Variants in EPHA3 observed in about 807,000 individuals in gnomAD.
EPHA3 encodes EPH receptor A3, also known as ephrin type-A receptor 3.
EPHA3 carries 42 observed loss-of-function variants against 107.1 expected under a neutral mutation model. That is an observed-to-expected ratio of 0.39 (90% CI 0.31 to 0.51). The LOEUF (loss-of-function observed/expected upper bound fraction) is 0.51, where lower values mean the gene tolerates loss of function less well. EPHA3 is among the 20% of genes least tolerant of loss of function. EPHA3 has a pLI of 0.78. For missense variants in EPHA3, 1,183 were observed against 1,211.2 expected (o/e 0.98, Z 0.35); for synonymous variants, 461 against 424.8 (o/e 1.09, Z -1.05).
chr3:89,301,218 A>C (rs1361715001), intron 3 of EPHA3, among the ~76,000 whole-genome samples: 1 of 152,122 alleles, frequency 6.6e-6, no homozygotes, highest in East Asian at 1.9e-4. Context: ...GGCGATGCAG[A>C]AAAGAATTTT....
chr3:89,363,897 C>T (rs1380879058), intron 5 of EPHA3, among the ~76,000 whole-genome samples: 2 of 150,656 alleles, frequency 1.3e-5, no homozygotes, highest in African/African-American at 2.4e-5. Flanking sequence ...ATGCCCAGTG[C>T]ATCAGAAAGT....
intron 5 of EPHA3, among the ~76,000 whole-genome samples, chr3:89,372,221 G>A (rs556716012): frequency 6.6e-6 from 1 of 151,534 alleles, no homozygotes; most frequent in Non-Finnish European, 1.5e-5. Context: ...AGAAGGTAGG[G>A]TATCTCAAGA....
chr3:89,118,413 C>T (rs1014851717), intron 1 of EPHA3, among the ~76,000 whole-genome samples: 2 of 151,318 alleles, frequency 1.3e-5, no homozygotes, highest in Non-Finnish European at 1.5e-5. Context: ...TTTAATATTC[C>T]CACAAGAAAA....
chr3:89,341,847 A>C lies in EPHA3; in HGVS notation c.1063A>C (p.Lys355Gln), dbSNP rs749793758. 6 of 1,613,988 alleles carry C rather than the reference A, an allele frequency of 3.7e-6. No homozygotes were observed. In the Admixed American group the frequency reaches 1.0e-4, roughly 27 times the overall value. The part of the protein sequence containing the change: ...WSWPLDTGGR[K>Q]DVTFNIICKK... ...TTGGCCCCTGGACACAGGAGGCCGG[A>C]AAGATGTTACCTTCAACATCATATG... is the stretch of plus-strand genomic sequence containing the variant. The change falls in exon 5 of 17, where the codon AAA becomes CAA. Residue 355 changes from lysine to glutamine, a missense_variant. By Grantham distance (53) the Lys-to-Gln change is moderately conservative (BLOSUM62 1). Transcript: ENST00000336596.
At chr3:89,442,155 G>T (rs1436661130) in intron 13 of EPHA3, among the ~76,000 whole-genome samples, 1 of 151,750 alleles carries the variant, frequency 6.6e-6, no homozygotes, top group African/African-American at 2.4e-5. Flanking sequence ...AAAAGAAAAG[G>T]AAGGAAGATA....
intron 3 of EPHA3, among the ~76,000 whole-genome samples, chr3:89,330,841 C>T (rs893058316): frequency 1.3e-5 from 2 of 152,010 alleles, no homozygotes; most frequent in African/African-American, 4.8e-5. Context: ...TACATCTTAC[C>T]AAGTGGGGAT....
rs1344623474 is a variant in EPHA3 at position 89,179,047 on chromosome 3, A to T, written c.154-30813A>T. 9.9e-5 allele frequency among the ~76,000 whole-genome samples: 15 copies of T among 152,006 alleles called. No homozygotes were observed. The East Asian group carries it at 2.9e-3, about 29-fold the overall frequency. On this transcript the variant is annotated intron_variant, in intron 2 of 16. Coordinates refer to ENST00000336596, the MANE Select transcript of EPHA3 (RefSeq NM_005233.6). ...ACTATATCGCTTATATTTTATAAAA[A>T]TTTTCATTTTTCTTTTTTTACTTGA... is the stretch of plus-strand genomic sequence containing the variant.
Position 89,149,744 on chromosome 3 carries a change from G to A in EPHA3, c.153+22471G>A, listed in dbSNP as rs1262346038. Reference sequence around the variant, plus strand: ...ATTCCTGTGGAAAATATGAGTTGTGGGTATTTATCTTTATAATATTTAAAA... The same window carrying A: ...ATTCCTGTGGAAAATATGAGTTGTGAGTATTTATCTTTATAATATTTAAAA... On this transcript the variant is annotated intron_variant, in intron 2 of 16. Coordinates refer to ENST00000336596, the MANE Select transcript of EPHA3 (RefSeq NM_005233.6). 2.1e-4 allele frequency among the ~76,000 whole-genome samples: 31 copies of A among 149,718 alleles called. No homozygotes were observed. In the Admixed American group the frequency reaches 2.1e-3, roughly 10 times the overall value.
At chr3:89,275,868 A>C (rs994538061) in intron 3 of EPHA3, among the ~76,000 whole-genome samples, 1 of 152,136 alleles carries the variant, frequency 6.6e-6, no homozygotes, top group African/African-American at 2.4e-5. Flanking sequence ...ATAATGAATA[A>C]AGCAAATCTC....
intron 2 of EPHA3, among the ~76,000 whole-genome samples, chr3:89,182,540 G>A (rs1201941371): frequency 6.6e-6 from 1 of 151,834 alleles, no homozygotes; most frequent in Non-Finnish European, 1.5e-5. Flanking sequence ...CAAAAGGTAT[G>A]CCTTACATTA....
At chr3:89,385,608 G>C (rs1191400226) in intron 5 of EPHA3, among the ~76,000 whole-genome samples, 2 of 152,156 alleles carry the variant, frequency 1.3e-5, no homozygotes, top group Non-Finnish European at 2.9e-5. Flanking sequence ...CCAGTGTTGA[G>C]TAGTTCTTTA....
intron 3 of EPHA3, among the ~76,000 whole-genome samples, chr3:89,314,447 G>A (rs554379709): frequency 6.6e-6 from 1 of 151,804 alleles, no homozygotes; most frequent in African/African-American, 2.4e-5. Context: ...GTGATACAAA[G>A]CAATCTATAC....
chr3:89,184,642 A>T (rs1576212228), intron 2 of EPHA3, among the ~76,000 whole-genome samples: 1 of 152,040 alleles, frequency 6.6e-6, no homozygotes, highest in East Asian at 1.9e-4. Flanking sequence ...TCAATGAAAG[A>T]TACTGTGCTT....
chr3:89,235,571 C>T (rs1043362112), intron 3 of EPHA3, among the ~76,000 whole-genome samples: 4 of 151,742 alleles, frequency 2.6e-5, no homozygotes, highest in Non-Finnish European at 5.9e-5. Context: ...CCATGAAAAT[C>T]TGTATTGAGA....
intron 3 of EPHA3, among the ~76,000 whole-genome samples, chr3:89,325,885 GAT>G (rs1707153992): frequency 6.6e-6 from 1 of 150,640 alleles, no homozygotes; most frequent in African/African-American, 2.4e-5. Context: ...TTATTTTTGT[GAT>G]ATTTTCTTTA....
At chr3:89,251,430 A>G (rs906858791) in intron 3 of EPHA3, among the ~76,000 whole-genome samples, 1 of 152,090 alleles carries the variant, frequency 6.6e-6, no homozygotes, top group Non-Finnish European at 1.5e-5. Flanking sequence ...TTTATCATAT[A>G]TAAATTGAAA....
At position 89,454,357 on chromosome 3, in the gene EPHA3, C is replaced by T. The variant is rs1477234907; in HGVS notation, c.2690+3987C>T. Among the ~76,000 whole-genome samples, 5 of 152,238 alleles carry T rather than the reference C, an allele frequency of 3.3e-5. 1 individual carries two copies. Among genetic ancestry groups the T allele is most frequent in the Non-Finnish European group, 7.4e-5 (5 of 68,006 alleles). ...GATCCTTCCACTGCCTAATTAATTG[C>T]ATACACCAGCAGCTACCCATTCACC... On this transcript the variant is annotated intron_variant, in intron 15 of 16. Coordinates refer to ENST00000336596, the MANE Select transcript of EPHA3 (RefSeq NM_005233.6).
chr3:89,257,126 T>G (rs558162039), intron 3 of EPHA3, among the ~76,000 whole-genome samples: 32 of 152,322 alleles, frequency 2.1e-4, no homozygotes, highest in African/African-American at 7.5e-4. Flanking sequence ...TTCACAACAC[T>G]GAACTTTTGA....
chr3:89,467,741 TAGAA>T, intron 15 of EPHA3, among the ~76,000 whole-genome samples: 1 of 152,270 alleles, frequency 6.6e-6, no homozygotes, highest in Middle Eastern at 3.4e-3. Flanking sequence ...CAAATCTTAA[TAGAA>T]AGAGAGAGAA....
Sources: gnomAD v4.1 joint callset for allele counts (sites outside exome capture counted in the v4.1 genomes callset) on GRCh38, gnomAD v4.1.1 for gene constraint, MANE v1.5 for transcripts, NCBI Gene and HGNC (gene_info 2026-07-23, HGNC 2026-07-21) for gene names.